The following RP1 variants were observed in gnomAD, a reference collection of about 807,000 sequenced individuals.
RP1 encodes the protein RP1 axonemal microtubule associated, also known as oxygen-regulated protein 1.
RP1 carries 16 observed loss-of-function variants against 14.8 expected under a neutral mutation model. That is an observed-to-expected ratio of 1.08 (90% CI 0.73 to 1.65). The LOEUF (loss-of-function observed/expected upper bound fraction) is 1.65. RP1 is among the 40% of genes most tolerant of loss of function. The pLI is 0.00. For missense variants in RP1, 2,631 were observed against 2,535.0 expected, an observed-to-expected ratio of 1.04 and a Z score of -0.81; for synonymous variants, 876 against 883.6, an observed-to-expected ratio of 0.99 and a Z score of 0.15.
Position 54,625,477 on chromosome 8 carries a change from A to G in RP1, c.1595A>G (p.Glu532Gly), listed in dbSNP as rs371028735. Residue 532 changes from glutamate to glycine, a missense_variant, in exon 4 of 4, where the codon GAA (glutamate) becomes GGA (glycine). Coordinates refer to ENST00000220676, the MANE Select transcript of RP1 (RefSeq NM_006269.2). ...GATCAAATGGAGGAGTCATCATTAG[A>G]AAGAAAAAAGGAAAACAGTCTGCTT... ...NNDQMEESSLERKKENSLLKS... is the reference protein window; with the variant it reads ...NNDQMEESSLGRKKENSLLKS... 200 of 1,613,892 alleles carry G rather than the reference A, an allele frequency of 1.2e-4. No individual in the cohort carries two copies. Among genetic ancestry groups the G allele is most frequent in the Non-Finnish European group, 1.6e-4 (192 of 1,180,026 alleles).
intron 19 of RP1, among the ~76,000 whole-genome samples, chr8:54,749,714 G>A (rs965211478): frequency 6.6e-6 from 1 of 152,096 alleles, no homozygotes; most frequent in Non-Finnish European, 1.5e-5. Flanking sequence ...AGCAGAATAG[G>A]AGCCATTTTA....
intron 1 of RP1, among the ~76,000 whole-genome samples, chr8:54,593,375 G>C (rs1467562748): frequency 6.6e-6 from 1 of 152,090 alleles, no homozygotes; most frequent in Non-Finnish European, 1.5e-5. Flanking sequence ...TCCATCCTGT[G>C]TCTGCATTAT....
intron 24 of RP1, among the ~76,000 whole-genome samples, chr8:54,829,317 C>T (rs985150130): frequency 6.6e-6 from 1 of 152,112 alleles, no homozygotes; most frequent in African/African-American, 2.4e-5. Context: ...GCTCTTGCTC[C>T]ACCAAAAAGT....
At chr8:54,658,066 C>T (rs1467120464) in intron 6 of RP1, among the ~76,000 whole-genome samples, 2 of 152,080 alleles carry the variant, frequency 1.3e-5, no homozygotes, top group African/African-American at 4.8e-5. Context: ...ATACTAATTC[C>T]CCCCAATCCC....
intron 18 of RP1, among the ~76,000 whole-genome samples, chr8:54,735,841 C>T (rs943974635): frequency 1.3e-5 from 2 of 152,064 alleles, no homozygotes; most frequent in African/African-American, 4.8e-5. Context: ...TCATAATATA[C>T]CTTGTGGTAT....
At chr8:54,768,035 C>T (rs1379883102) in intron 22 of RP1, among the ~76,000 whole-genome samples, 4 of 152,222 alleles carry the variant, frequency 2.6e-5, no homozygotes, top group African/African-American at 9.6e-5. Context: ...GTCAGTCCTA[C>T]AGCTCAGACT....
At chr8:54,726,230 A>G (rs1382960335) in intron 16 of RP1, 4 of 1,176,000 alleles carry the variant, frequency 3.4e-6, no homozygotes, top group Non-Finnish European at 4.5e-6. Flanking sequence ...TTGACTAGGC[A>G]TTGAAATGGA....
chr8:54,866,450 G>A (rs1024431048), intron 28 of RP1, among the ~76,000 whole-genome samples: 1 of 152,142 alleles, frequency 6.6e-6, no homozygotes, highest in Non-Finnish European at 1.5e-5. Context: ...GTGGTCATAG[G>A]TGAATCTCTT....
At chr8:54,697,989 T>G (rs572557184) in intron 12 of RP1, among the ~76,000 whole-genome samples, 1 of 152,170 alleles carries the variant, frequency 6.6e-6, no homozygotes, top group African/African-American at 2.4e-5. Flanking sequence ...GGAAAAAGAC[T>G]TCATGACTAA....
At chr8:54,869,012 A>G (rs180856393) in intron 28 of RP1, among the ~76,000 whole-genome samples, 3 of 152,258 alleles carry the variant, frequency 2.0e-5, no homozygotes, top group Admixed American at 1.3e-4. Flanking sequence ...AATGCTTTCC[A>G]AGGAATAGGC....
chr8:54,710,666 G>A (rs1018914178), intron 15 of RP1, among the ~76,000 whole-genome samples: 1 of 152,174 alleles, frequency 6.6e-6, no homozygotes, highest in Non-Finnish European at 1.5e-5. Flanking sequence ...TCAGCGGAGA[G>A]GGGAGCTGGA....
At chr8:54,653,790 A>T (rs1429155880) in intron 5 of RP1, among the ~76,000 whole-genome samples, 1 of 152,234 alleles carries the variant, frequency 6.6e-6, no homozygotes, top group Non-Finnish European at 1.5e-5. Context: ...TATGCTATAT[A>T]GAGCTTTTGA....
rs1425371881 is a variant in RP1, at chr8:54,797,557, A to ACACACC, written c.3615+13848_3615+13849insACACCC. Among the ~76,000 whole-genome samples the ACACACC allele has an allele frequency of 1.3e-4, 20 of 151,030 alleles. No homozygotes were observed. The South Asian group carries it at 3.2e-3, about 24-fold the overall frequency. ...CACACACACACACACACACACACAC[A>ACACACC]CCTCAAACACCTACCAGCTACCTCA... is the stretch of plus-strand genomic sequence containing the variant. On this transcript the variant is annotated intron_variant, in intron 24 of 28. Coordinates refer to the RP1 transcript ENST00000637698.
chr8:54,626,616 A>G lies in RP1; in HGVS notation c.2734A>G (p.Ile912Val), dbSNP rs1472113981. 6.2e-6 allele frequency: 10 copies of G among 1,613,640 alleles called. No individual in the cohort carries two copies. The highest frequency in any genetic ancestry group is 1.7e-5 in the Admixed American group (1 of 59,960). ...DFPEAIAHHS[I>V]QNYIQSWLQN... is the part of the protein sequence containing the mutation. ...TCCTGAGGCTATTGCTCATCATTCAATTCAAAATTATATACAGAGTTGGTT... is the reference window on the plus strand; with the variant it reads ...TCCTGAGGCTATTGCTCATCATTCAGTTCAAAATTATATACAGAGTTGGTT... The change falls in exon 4 of 4, where the codon ATT becomes GTT. Residue 912 changes from isoleucine to valine, a missense_variant. By Grantham distance (29) the Ile-to-Val change is conservative. Coordinates refer to ENST00000220676, the MANE Select transcript of RP1 (RefSeq NM_006269.2).
rs189148981 is a variant in RP1 at position 54,698,510 on chromosome 8, C to T, written c.1718-957C>T. The stretch of plus-strand genomic sequence containing the variant: ...CTCAAGGATCTAGAACTAGAAATAC[C>T]ATTTGACCCAGCAAATCCCATTCCT... On this transcript the variant is annotated intron_variant, in intron 12 of 22. Transcript: ENST00000636932. Among the ~76,000 whole-genome samples the T allele has an allele frequency of 1.6e-4, 24 of 152,236 alleles. 1 individual carries two copies. The highest frequency in any genetic ancestry group is 3.9e-4 in the Admixed American group (6 of 15,296).
intron 1 of RP1, among the ~76,000 whole-genome samples, chr8:54,589,107 G>T (rs1804991368): frequency 6.6e-6 from 1 of 152,082 alleles, no homozygotes; most frequent in Non-Finnish European, 1.5e-5. Context: ...AGACTCCAGG[G>T]ACTGGGCCTG....
At chr8:54,749,350 A>G (rs1435101075) in intron 19 of RP1, among the ~76,000 whole-genome samples, 1 of 152,028 alleles carries the variant, frequency 6.6e-6, no homozygotes, top group Admixed American at 6.5e-5. Flanking sequence ...ACAAAACAAA[A>G]AACAAGTAGA....
intron 12 of RP1, among the ~76,000 whole-genome samples, chr8:54,682,525 T>C (rs1365998312): frequency 1.3e-5 from 2 of 152,168 alleles, no homozygotes; most frequent in African/African-American, 4.8e-5. Context: ...CATATGTTTA[T>C]TGCAGCACTA....
intron 24 of RP1, among the ~76,000 whole-genome samples, chr8:54,829,036 G>T (rs1468493550): frequency 1.3e-5 from 2 of 151,718 alleles, no homozygotes; most frequent in African/African-American, 2.4e-5. Context: ...GGGATTACAG[G>T]TGCCTACCAC....
Sources: allele counts gnomAD v4.1 joint callset (sites outside exome capture counted in the v4.1 genomes callset), GRCh38; gene constraint gnomAD v4.1.1; transcripts MANE v1.5; gene names NCBI Gene and HGNC (gene_info 2026-07-23, HGNC 2026-07-21).